Variants in RPS6KC1 observed in about 807,000 individuals in gnomAD.
The protein encoded by RPS6KC1 is ribosomal protein S6 kinase C1, also known as inactive ribosomal protein S6 kinase delta-1.
A neutral mutation model predicts 103.8 loss-of-function variants in RPS6KC1; 54 were observed. That is an observed-to-expected ratio of 0.52 (90% CI 0.42 to 0.65). RPS6KC1 has a LOEUF of 0.65. RPS6KC1 is among the 30% of genes least tolerant of loss of function. The pLI is 0.00. For synonymous variants in RPS6KC1, 439 were observed against 438.7 expected, an observed-to-expected ratio of 1.00 and a Z score of -0.01; for missense variants, 1,151 against 1,253.8, an observed-to-expected ratio of 0.92 and a Z score of 1.24.
At chr1:213,766,655 T>G in the RPS6KC1 span, among the ~76,000 whole-genome samples, 8 of 152,218 alleles carry the variant, frequency 5.3e-5, no homozygotes, top group Admixed American at 3.3e-4. Flanking sequence ...CAGTTAATTT[T>G]ACTGTTTCCT....
chr1:213,494,015 C>T, the RPS6KC1 span, among the ~76,000 whole-genome samples: 1 of 152,082 alleles, frequency 6.6e-6, no homozygotes, highest in African/African-American at 2.4e-5. Context: ...GGCTGTCAAT[C>T]TGTAGGTAAA....
At chr1:213,518,197 A>T in the RPS6KC1 span, among the ~76,000 whole-genome samples, 1 of 152,214 alleles carries the variant, frequency 6.6e-6, no homozygotes, top group Non-Finnish European at 1.5e-5. Flanking sequence ...AATGGGTTTT[A>T]TGATGGCCCC....
At chr1:213,205,144 C>A in intron 8 of RPS6KC1, 1 of 469,266 alleles carries the variant, frequency 2.1e-6, no homozygotes, top group Non-Finnish European at 2.8e-6. Flanking sequence ...TTGCTTAATC[C>A]ATTAAATTTT....
chr1:213,476,040 G>GCTGGTGTGACTGGTGTGA, the RPS6KC1 span, among the ~76,000 whole-genome samples: 242 of 151,960 alleles, frequency 1.6e-3, 3 homozygotes, highest in East Asian at 0.039. Flanking sequence ...GCCCACAGTG[G>GCTGGTGTGACTGGTGTGA]CTGGTGTGAC....
At chr1:213,247,644 T>G (rs1357882701) in intron 12 of RPS6KC1, among the ~76,000 whole-genome samples, 1 of 152,194 alleles carries the variant, frequency 6.6e-6, no homozygotes, top group Admixed American at 6.6e-5. Flanking sequence ...ATGTATTAAC[T>G]GATTGCTTGA....
At chr1:213,492,843 T>C in the RPS6KC1 span, among the ~76,000 whole-genome samples, 3 of 152,248 alleles carry the variant, frequency 2.0e-5, no homozygotes, top group Non-Finnish European at 2.9e-5. Context: ...GAGACCATTT[T>C]GTGTCCAGCT....
chr1:213,576,982 T>C, the RPS6KC1 span, among the ~76,000 whole-genome samples: 1 of 152,274 alleles, frequency 6.6e-6, no homozygotes, highest in African/African-American at 2.4e-5. Flanking sequence ...GGGTAAAAGA[T>C]CAAACCAGCC....
At chr1:213,694,303 C>T in the RPS6KC1 span, among the ~76,000 whole-genome samples, 1 of 152,208 alleles carries the variant, frequency 6.6e-6, no homozygotes, top group African/African-American at 2.4e-5. Flanking sequence ...ACAGAAAGCA[C>T]ATTCCTTAGC....
At chr1:213,571,653 T>C in the RPS6KC1 span, among the ~76,000 whole-genome samples, 2 of 152,194 alleles carry the variant, frequency 1.3e-5, no homozygotes, top group African/African-American at 4.8e-5. Context: ...GAAGTCAAAT[T>C]TGTAAGGTTT....
At chr1:213,643,369 G>A in the RPS6KC1 span, among the ~76,000 whole-genome samples, 1 of 151,348 alleles carries the variant, frequency 6.6e-6, no homozygotes, top group Non-Finnish European at 1.5e-5. Context: ...CACCTTATAA[G>A]GTATCTACCT....
At chr1:213,318,186 G>C in the RPS6KC1 span, among the ~76,000 whole-genome samples, 2 of 152,258 alleles carry the variant, frequency 1.3e-5, no homozygotes, top group African/African-American at 4.8e-5. Flanking sequence ...TCTCTCCAGT[G>C]TGAGTATCAG....
chr1:213,679,473 G>C, the RPS6KC1 span, among the ~76,000 whole-genome samples: 1 of 152,196 alleles, frequency 6.6e-6, no homozygotes, highest in Non-Finnish European at 1.5e-5. Flanking sequence ...AGGAAAGCAA[G>C]GCTTAGAGAA....
chr1:213,330,197 G>A, the RPS6KC1 span, among the ~76,000 whole-genome samples: 12 of 152,322 alleles, frequency 7.9e-5, no homozygotes, highest in South Asian at 8.3e-4. Flanking sequence ...TCTGTGATAC[G>A]GACTTGGGAT....
At chr1:213,575,206 T>A in the RPS6KC1 span, among the ~76,000 whole-genome samples, 1 of 152,160 alleles carries the variant, frequency 6.6e-6, no homozygotes, top group Non-Finnish European at 1.5e-5. Context: ...TATATATATA[T>A]ATATTTAATC....
the RPS6KC1 span, among the ~76,000 whole-genome samples, chr1:213,541,992 C>T: frequency 4.6e-5 from 7 of 152,302 alleles, no homozygotes; most frequent in Non-Finnish European, 7.4e-5. Context: ...TAGCCCTCAA[C>T]TTTGGGACTT....
the RPS6KC1 span, among the ~76,000 whole-genome samples, chr1:213,588,246 A>G: frequency 2.7e-5 from 4 of 148,622 alleles, no homozygotes; most frequent in African/African-American, 9.9e-5. Flanking sequence ...CACTAATCCC[A>G]CTCATGAGAG....
chr1:213,356,183 G>A, the RPS6KC1 span, among the ~76,000 whole-genome samples: 9 of 152,232 alleles, frequency 5.9e-5, no homozygotes, highest in Non-Finnish European at 1.3e-4. Flanking sequence ...AGGGCGATGT[G>A]TGGTATAACA....
At chr1:213,511,510 G>A in the RPS6KC1 span, among the ~76,000 whole-genome samples, 1 of 152,212 alleles carries the variant, frequency 6.6e-6, no homozygotes, top group Non-Finnish European at 1.5e-5. Flanking sequence ...AGATGCTAAT[G>A]TAGGGATGGG....
At chr1:213,187,458 C>G (rs1369542227) in intron 8 of RPS6KC1, among the ~76,000 whole-genome samples, 1 of 152,010 alleles carries the variant, frequency 6.6e-6, no homozygotes, top group Admixed American at 6.6e-5. Flanking sequence ...GTTGGCCTGG[C>G]TGGTCTTGAA....
Sources: allele counts gnomAD v4.1 joint callset (sites outside exome capture counted in the v4.1 genomes callset), GRCh38; gene constraint gnomAD v4.1.1; transcripts MANE v1.5; gene names NCBI Gene and HGNC (gene_info 2026-07-23, HGNC 2026-07-21).